The following PAK5 variants were observed in gnomAD, a reference collection of about 807,000 sequenced individuals.
PAK5 encodes the protein p21 (RAC1) activated kinase 5.
PAK5 carries 16 observed loss-of-function variants against 65.9 expected under a neutral mutation model. That is an observed-to-expected ratio of 0.24 (90% CI 0.16 to 0.37). The LOEUF is 0.37. Among genes scored for constraint, PAK5 ranks in the 10% least tolerant of loss-of-function variants. The pLI, the probability that PAK5 is intolerant of heterozygous loss-of-function variation, is 1.00. For missense variants in PAK5, 785 were observed against 903.9 expected, an observed-to-expected ratio of 0.87 and a Z score of 1.69; for synonymous variants, 371 against 354.9, an observed-to-expected ratio of 1.05 and a Z score of -0.51.
chr20:9,777,796 C>T (rs1328681557), intron 1 of PAK5, among the ~76,000 whole-genome samples: 1 of 152,114 alleles, frequency 6.6e-6, no homozygotes, highest in East Asian at 1.9e-4. Flanking sequence ...AGTGGTGCTC[C>T]TGCTCTTTTA....
At chr20:9,797,804 T>G (rs2049122662) in intron 1 of PAK5, among the ~76,000 whole-genome samples, 1 of 152,034 alleles carries the variant, frequency 6.6e-6, no homozygotes, top group Non-Finnish European at 1.5e-5. Context: ...GACAACCAAG[T>G]GGAGATGCCA....
At chr20:9,703,608 C>A (rs1475978661) in intron 2 of PAK5, among the ~76,000 whole-genome samples, 1 of 152,090 alleles carries the variant, frequency 6.6e-6, no homozygotes, top group Admixed American at 6.6e-5. Context: ...GTCTAGCTCA[C>A]CACCACTGGA....
At chr20:9,641,785 C>G (rs576425368) in intron 3 of PAK5, among the ~76,000 whole-genome samples, 1 of 152,092 alleles carries the variant, frequency 6.6e-6, no homozygotes. Context: ...GCCGGTGGGC[C>G]GGCACTGCTG....
intron 6 of PAK5, among the ~76,000 whole-genome samples, chr20:9,560,301 G>C (rs1039750400): frequency 6.6e-6 from 1 of 152,164 alleles, no homozygotes; most frequent in Non-Finnish European, 1.5e-5. Context: ...TTCAGTTCTA[G>C]AGTAACCTCA....
At position 9,565,882 on chromosome 20, in the gene PAK5, A is replaced by G. The variant is rs753372198; in HGVS notation, c.1482+11T>C. The stretch of plus-strand genomic sequence containing the variant: ...AAAGGAGAGAAAGGATGACCCAAAC[A>G]CACTCTTTACCTCATTGAAAAGCAG... On this transcript the variant is annotated intron_variant, in intron 5 of 9. Transcript: ENST00000353224. The G allele has an allele frequency of 1.9e-6, 3 of 1,599,700 alleles. No homozygotes were observed. In the Admixed American group the frequency reaches 5.1e-5, roughly 27 times the overall value.
At chr20:9,749,170 T>C (rs889069134) in intron 1 of PAK5, among the ~76,000 whole-genome samples, 6 of 152,182 alleles carry the variant, frequency 3.9e-5, no homozygotes, top group Middle Eastern at 3.2e-3. Flanking sequence ...CTATTGTTAT[T>C]ATCATTGACA....
intron 3 of PAK5, among the ~76,000 whole-genome samples, chr20:9,610,590 G>A (rs752298886): frequency 1.4e-4 from 21 of 152,124 alleles, no homozygotes; most frequent in Non-Finnish European, 2.8e-4. Context: ...ATAAGATGTC[G>A]GCATGTGCAA....
intron 1 of PAK5, among the ~76,000 whole-genome samples, chr20:9,812,032 G>A (rs1051411599): frequency 6.6e-6 from 1 of 152,084 alleles, no homozygotes; most frequent in Non-Finnish European, 1.5e-5. Context: ...TAGGGGTAAT[G>A]GGGTTGCTCA....
chr20:9,683,917 T>G (rs2143255), intron 2 of PAK5, among the ~76,000 whole-genome samples: 83,485 of 151,906 alleles, frequency 0.55, 25,461 homozygotes, highest in African/African-American at 0.84. Flanking sequence ...CTTGACTTCT[T>G]GGAATGGTCC....
chr20:9,577,820 A>G (rs2045912939), intron 4 of PAK5: 1 of 152,234 alleles, frequency 6.6e-6, no homozygotes, highest in African/African-American at 2.4e-5. Flanking sequence ...CACCCTTGGT[A>G]GAAGTTCCCA....
chr20:9,738,834 G>GT (rs1211285513), intron 1 of PAK5, among the ~76,000 whole-genome samples: 1 of 152,106 alleles, frequency 6.6e-6, no homozygotes, highest in East Asian at 1.9e-4. Flanking sequence ...GTGTGTGTGT[G>GT]TGTGTGTGTC....
At chr20:9,663,113 T>C (rs1470044166) in intron 2 of PAK5, among the ~76,000 whole-genome samples, 4 of 152,224 alleles carry the variant, frequency 2.6e-5, no homozygotes, top group African/African-American at 4.8e-5. Context: ...TCTATTGTAA[T>C]ACATTATAGC....
At chr20:9,570,528 T>C (rs2122962769) in intron 4 of PAK5, among the ~76,000 whole-genome samples, 1 of 152,216 alleles carries the variant, frequency 6.6e-6, no homozygotes, top group South Asian at 2.1e-4. Flanking sequence ...TAAACTACGA[T>C]GGAATGGGGA....
intron 3 of PAK5, among the ~76,000 whole-genome samples, chr20:9,625,477 G>A (rs182522492): frequency 6.6e-6 from 1 of 152,222 alleles, no homozygotes; most frequent in South Asian, 2.1e-4. Flanking sequence ...ATGGTGTAGG[G>A]CATAGTGCTG....
At chr20:9,551,613 C>A (rs1169436256) in intron 7 of PAK5, among the ~76,000 whole-genome samples, 1 of 152,194 alleles carries the variant, frequency 6.6e-6, no homozygotes. Context: ...AAACTGCATG[C>A]ACTCTAAAGA....
At chr20:9,770,324 A>G (rs561244767) in intron 1 of PAK5, among the ~76,000 whole-genome samples, 1 of 152,252 alleles carries the variant, frequency 6.6e-6, no homozygotes, top group East Asian at 1.9e-4. Context: ...GATGGCTTCT[A>G]TTTTCTTAAA....
At chr20:9,568,832 A>G (rs1330314446) in intron 4 of PAK5, among the ~76,000 whole-genome samples, 2 of 152,162 alleles carry the variant, frequency 1.3e-5, no homozygotes, top group Non-Finnish European at 2.9e-5. Context: ...ACCTTGTCTC[A>G]GAAATAATAA....
intron 1 of PAK5, among the ~76,000 whole-genome samples, chr20:9,786,259 C>A (rs774796440): frequency 6.6e-6 from 1 of 152,002 alleles, no homozygotes; most frequent in Non-Finnish European, 1.5e-5. Flanking sequence ...AGTATTTGAG[C>A]TTTCAAGGAA....
intron 1 of PAK5, among the ~76,000 whole-genome samples, chr20:9,712,493 T>C (rs988029960): frequency 6.6e-6 from 1 of 152,096 alleles, no homozygotes; most frequent in African/African-American, 2.4e-5. Context: ...ATTAATAACA[T>C]TCTTTGCAGA....
Sources: allele counts gnomAD v4.1 joint callset (sites outside exome capture counted in the v4.1 genomes callset), GRCh38; gene constraint gnomAD v4.1.1; transcripts MANE v1.5; gene names NCBI Gene and HGNC (gene_info 2026-07-23, HGNC 2026-07-21).